Variants in NSMAF observed in about 807,000 individuals in gnomAD.
NSMAF encodes the protein protein FAN.
In NSMAF, 90 loss-of-function variants were observed where a neutral mutation model predicts 134.9. The observed-to-expected ratio is 0.67, with a 90% CI of 0.56 to 0.79. The LOEUF (loss-of-function observed/expected upper bound fraction) is 0.79, where lower values mean the gene tolerates loss of function less well. NSMAF is among the 30% of genes least tolerant of loss of function. NSMAF has a pLI of 0.00. For synonymous variants in NSMAF, 358 were observed against 389.6 expected (o/e 0.92, Z 0.96); for missense variants, 1,010 against 1,119.0 (o/e 0.90, Z 1.39).
chr8:58,588,019 G>A (rs1805930525), intron 26 of NSMAF, among the ~76,000 whole-genome samples: 1 of 152,064 alleles, frequency 6.6e-6, no homozygotes, highest in Non-Finnish European at 1.5e-5. Context: ...TTAATGTTTT[G>A]GGAAGACCAA....
At chr8:58,623,668 G>C in intron 7 of NSMAF, 41 bp downstream of exon 7, 1 of 1,523,700 alleles carries the variant, frequency 6.6e-7, no homozygotes, top group Non-Finnish European at 9.1e-7. Flanking sequence ...AACAGTTTTT[G>C]CCTCAGTTTG....
In NSMAF at chr8:58,623,866, G is replaced by T. The variant is rs151004766; in HGVS notation, c.385-86C>A. ...CTTTAAGAACATGTGTACAGAACCT[G>T]CTATGATAAAATCTGCATGTTTTAC... On this transcript the variant is annotated intron_variant, in intron 6 of 30. Transcript: ENST00000038176. The T allele has an allele frequency of 9.8e-5, 103 of 1,051,692 alleles. No homozygotes were observed. The African/African-American group carries it at 1.5e-3, about 15-fold the overall frequency. 65.1% of individuals were successfully genotyped at this position (1,051,692 alleles called of 1,614,324 possible).
chr8:58,599,341 C>T lies in NSMAF; in HGVS notation c.1476G>A (p.Lys492=), dbSNP rs370923001. The change falls in exon 19 of 31, where the codon AAG becomes AAA. Residue 492 remains lysine (K), a synonymous_variant. Transcript: ENST00000038176. ...AATTGCTTTCCAATGCATCTTTGCTCTTCTGGAGAAAGTCCTCGGGACCTA... is the reference window on the plus strand; with the variant it reads ...AATTGCTTTCCAATGCATCTTTGCTTTTCTGGAGAAAGTCCTCGGGACCTA... ...WASSPEDFLQ[K]SKDALESNYV... The T allele has an allele frequency of 5.0e-6, 8 of 1,614,084 alleles. No homozygotes were observed. The highest frequency in any genetic ancestry group is 6.8e-6 in the Non-Finnish European group (8 of 1,179,966).
chr8:58,629,101 T>C (rs963375417), intron 6 of NSMAF, among the ~76,000 whole-genome samples: 8 of 152,218 alleles, frequency 5.3e-5, no homozygotes, highest in Non-Finnish European at 7.4e-5. Context: ...TTTGGGGCCA[T>C]TATCTCTTTA....
chr8:58,596,677 C>A (rs543751163), intron 21 of NSMAF, among the ~76,000 whole-genome samples: 14 of 152,244 alleles, frequency 9.2e-5, no homozygotes, highest in Non-Finnish European at 1.5e-4. Context: ...GGCCTGTAAT[C>A]CCAGCACTTT....
chr8:58,612,004 G>A (rs1426178224), intron 9 of NSMAF, among the ~76,000 whole-genome samples: 2 of 152,298 alleles, frequency 1.3e-5, no homozygotes, highest in Non-Finnish European at 2.9e-5. Flanking sequence ...TGAAACTTGT[G>A]TAATTTCCCG....
chr8:58,611,725 C>T (rs1247396282), intron 9 of NSMAF, among the ~76,000 whole-genome samples: 1 of 151,640 alleles, frequency 6.6e-6, no homozygotes, highest in Non-Finnish European at 1.5e-5. Flanking sequence ...AGTGTCCTAA[C>T]TAAAACAAAA....
Position 58,601,459 on chromosome 8 carries a change from T to C in NSMAF, c.1202A>G (p.Tyr401Cys), listed in dbSNP as rs1393696043. 3 of 1,606,010 alleles carry C rather than the reference T, an allele frequency of 1.9e-6. No homozygotes were observed. Among genetic ancestry groups the C allele is most frequent in the Non-Finnish European group, 1.7e-6 (2 of 1,177,712 alleles). ...AAGAATCTTACCAATCCTAACAAGATAAAAAAGTACATAACCCGGGGAAGA... is the reference window on the plus strand; with the variant it reads ...AAGAATCTTACCAATCCTAACAAGACAAAAAAGTACATAACCCGGGGAAGA... Reference protein sequence around the residue: ...HYSSPGYVLFYLVRIAPEYML... With the variant: ...HYSSPGYVLFCLVRIAPEYML... The change falls in exon 15 of 31, where the codon TAT (tyrosine) becomes TGT (cysteine). Residue 401 changes from tyrosine to cysteine, a missense_variant. By Grantham distance (194) the Tyr-to-Cys change is radical. Coordinates refer to ENST00000038176, the MANE Select transcript of NSMAF (RefSeq NM_003580.4).
chr8:58,615,367 A>G (rs755726991), intron 9 of NSMAF, among the ~76,000 whole-genome samples: 11 of 152,226 alleles, frequency 7.2e-5, no homozygotes, highest in Non-Finnish European at 1.3e-4. Flanking sequence ...ACTATTTTCA[A>G]CAGCTGCAGA....
At chr8:58,640,750 C>T (rs1422720184) in intron 2 of NSMAF, among the ~76,000 whole-genome samples, 2 of 151,922 alleles carry the variant, frequency 1.3e-5, no homozygotes, top group Admixed American at 6.6e-5. Flanking sequence ...TAAATAGAAA[C>T]AGAGTTTCGC....
In NSMAF at chr8:58,646,868, T is replaced by C. The variant is rs1425686702; in HGVS notation, c.60-3795A>G. The stretch of plus-strand genomic sequence containing the variant: ...CTACATATTCCTAGTTTAATCCTCC[T>C]TTACAGAGGTGTGGTTTCATTCTCT... On this transcript the variant is annotated intron_variant, in intron 1 of 30. Transcript: ENST00000038176. Among the ~76,000 whole-genome samples the C allele has an allele frequency of 2.0e-5, 3 of 152,226 alleles. No individual in the cohort carries two copies. In the East Asian group the frequency reaches 5.8e-4, roughly 29 times the overall value.
At chr8:58,629,716 G>A (rs1286580343) in intron 6 of NSMAF, among the ~76,000 whole-genome samples, 1 of 152,240 alleles carries the variant, frequency 6.6e-6, no homozygotes, top group Non-Finnish European at 1.5e-5. Context: ...AGCCTGGCTA[G>A]AGATGCTGGA....
intron 5 of NSMAF, among the ~76,000 whole-genome samples, 168 bp from the exon 6 acceptor site, chr8:58,631,714 T>G (rs1486196636): frequency 6.6e-6 from 1 of 152,150 alleles, no homozygotes; most frequent in African/African-American, 2.4e-5. Flanking sequence ...TTTAAAGTAC[T>G]GGTGTTAAAA....
intron 23 of NSMAF, among the ~76,000 whole-genome samples, chr8:58,592,866 G>A (rs1449935146): frequency 1.3e-5 from 2 of 150,536 alleles, no homozygotes; most frequent in Non-Finnish European, 2.9e-5. Flanking sequence ...CAGCCTGGGC[G>A]ACGGAGCAAG....
intron 2 of NSMAF, among the ~76,000 whole-genome samples, chr8:58,639,286 TA>T (rs747282052): frequency 0.045 from 4,841 of 107,550 alleles, 251 homozygotes; most frequent in African/African-American, 0.15. Flanking sequence ...TCCGTCTCAA[TA>T]AAAAAAAAAA....
intron 21 of NSMAF, chr8:58,595,915 C>A (rs924460158): frequency 6.7e-6 from 2 of 300,742 alleles, no homozygotes; most frequent in Non-Finnish European, 1.3e-5. Flanking sequence ...AGTTTTCACT[C>A]GGCCTCTAAC....
chr8:58,625,394 A>ATATATATGTATGTATGTATG (rs145506455), intron 6 of NSMAF, among the ~76,000 whole-genome samples: 9,160 of 151,588 alleles, frequency 0.06, 338 homozygotes, highest in African/African-American at 0.091. Context: ...ATGTATATGC[A>ATATATATGTATGTATGTATG]TATGTATGTA....
chr8:58,603,692 T>C (rs753491358), intron 12 of NSMAF, among the ~76,000 whole-genome samples: 4 of 151,648 alleles, frequency 2.6e-5, no homozygotes, highest in Non-Finnish European at 2.9e-5. Context: ...ATAGGTAATA[T>C]TTATACAGTA....
Position 58,599,376 on chromosome 8 carries a change from A to C in NSMAF, c.1454-13T>G. On this transcript the variant is annotated splice_polypyrimidine_tract_variant and intron_variant, in intron 18 of 30. Transcript: ENST00000038176. ...AAGTCCTCGGGACCTATTAGATTAG[A>C]CTCAATCGAAAAATCATGGAGTCTT... The C allele has an allele frequency of 6.2e-7, 1 of 1,611,424 alleles. No individual in the cohort carries two copies. Among genetic ancestry groups the C allele is most frequent in the Non-Finnish European group, 8.5e-7 (1 of 1,179,206 alleles).
Sources: gnomAD v4.1 joint callset for allele counts (sites outside exome capture counted in the v4.1 genomes callset) on GRCh38, gnomAD v4.1.1 for gene constraint, MANE v1.5 for transcripts, NCBI Gene and HGNC (gene_info 2026-07-23, HGNC 2026-07-21) for gene names.